Variants in CSRP3 observed in about 807,000 individuals in gnomAD.
CSRP3 encodes the protein cysteine and glycine-rich protein 3.
In CSRP3, 24 loss-of-function variants were observed where a neutral mutation model predicts 24.3. That is an observed-to-expected ratio of 0.99 (90% confidence interval 0.71 to 1.39). The LOEUF (loss-of-function observed/expected upper bound fraction) is 1.39, where lower values mean the gene tolerates loss of function less well. Ranked by LOEUF, CSRP3 falls within the 40% of genes most tolerant of loss-of-function variation. The pLI is 0.00. For missense variants in CSRP3, 240 were observed against 249.0 expected (o/e 0.96, Z 0.24); for synonymous variants, 105 against 94.0 (o/e 1.12, Z -0.68).
intron 1 of CSRP3, chr11:19,196,679 G>A (rs1050798647): frequency 6.6e-6 from 1 of 152,160 alleles, no homozygotes; most frequent in East Asian, 1.9e-4. Flanking sequence ...TTGAAGGTGG[G>A]ATACAATTAT....
At position 19,182,946 on chromosome 11, in the gene CSRP3, C is replaced by T. The variant is rs1414839050; in HGVS notation, c.509-200G>A. ...CTGAGGCAGGCAGATCACCTGAGGT[C>T]GGGAGTTTGAGACCAGCCTGGCCAA... is the stretch of plus-strand genomic sequence containing the variant. On this transcript the variant is annotated intron_variant, in intron 5 of 5. Coordinates refer to ENST00000265968, the MANE Select transcript of CSRP3 (RefSeq NM_003476.5). Among the ~76,000 whole-genome samples the T allele has an allele frequency of 3.9e-5, 6 of 152,042 alleles. No homozygotes were observed. The East Asian group carries it at 5.8e-4, about 15-fold the overall frequency.
At chr11:19,187,982 G>T (rs1004541927) in intron 3 of CSRP3, among the ~76,000 whole-genome samples, 154 bp downstream of exon 3, 1 of 152,184 alleles carries the variant, frequency 6.6e-6, no homozygotes, top group Non-Finnish European at 1.5e-5. Context: ...ATGACACATT[G>T]TTCAAACTTG....
At chr11:19,183,645 G>A (rs544025299) in intron 5 of CSRP3, among the ~76,000 whole-genome samples, 8 of 151,832 alleles carry the variant, frequency 5.3e-5, no homozygotes, top group South Asian at 2.1e-4. Flanking sequence ...TACTGACTTC[G>A]GCAATATTTT....
chr11:19,197,265 T>C (rs1247470530), intron 1 of CSRP3, among the ~76,000 whole-genome samples: 2 of 152,154 alleles, frequency 1.3e-5, no homozygotes, highest in African/African-American at 2.4e-5. Context: ...TAAGTTGTTA[T>C]TCATCAATCT....
intron 4 of CSRP3, 110 bp from the exon 5 acceptor site, chr11:19,185,155 G>A: frequency 1.2e-6 from 1 of 813,000 alleles, no homozygotes; most frequent in Non-Finnish European, 2.1e-6. Context: ...TTAACCATTT[G>A]CTTACCTAAT....
Position 19,186,462 on chromosome 11 carries a change from G to T in CSRP3, c.282-114C>A, listed in dbSNP as rs562040092. The T allele has an allele frequency of 2.5e-4, 323 of 1,278,732 alleles. 2 individuals are homozygous for T. The South Asian group carries it at 3.7e-3, about 15-fold the overall frequency. 79.2% of individuals were successfully genotyped at this position (1,278,732 alleles called of 1,614,324 possible). A position where few individuals can be genotyped will look rare whatever the true frequency, so the allele number is the denominator to read the frequency against. The stretch of plus-strand genomic sequence containing the variant: ...CCGTGTGTCTCAGACTCCTCATCTG[G>T]AAAATGGGGATAATGATGGTGTCTT... On this transcript the variant is annotated intron_variant, in intron 3 of 5. Transcript: ENST00000265968.
intron 5 of CSRP3, among the ~76,000 whole-genome samples, chr11:19,184,706 C>T (rs377500387): frequency 2.8e-4 from 43 of 152,190 alleles, no homozygotes; most frequent in African/African-American, 8.9e-4. Flanking sequence ...CCTAACTTCC[C>T]GAACCACTGA....
At chr11:19,199,472 G>A (rs1850800075) in intron 1 of CSRP3, among the ~76,000 whole-genome samples, 2 of 152,090 alleles carry the variant, frequency 1.3e-5, no homozygotes, top group Admixed American at 6.6e-5. Context: ...CTGAAGCGTG[G>A]CCAGCTTTTA....
chr11:19,200,738 G>A (rs538555334), intron 1 of CSRP3, among the ~76,000 whole-genome samples: 1 of 152,304 alleles, frequency 6.6e-6, no homozygotes, highest in African/African-American at 2.4e-5. Context: ...CACATTTTCT[G>A]GATCATAAAG....
At chr11:19,188,050 C>T in intron 3 of CSRP3, 86 bp downstream of exon 3, 1 of 1,531,992 alleles carries the variant, frequency 6.5e-7, no homozygotes, top group Non-Finnish European at 9.0e-7. Context: ...TCTCCCACTT[C>T]CAGAAAACGT....
At position 19,182,704 on chromosome 11, in the gene CSRP3, C is replaced by T. The variant is rs943580857; in HGVS notation, c.551G>A (p.Gly184Glu). 1 of 1,614,152 alleles carries T rather than the reference C, an allele frequency of 6.2e-7. No homozygotes were observed. Among genetic ancestry groups the T allele is most frequent in the Non-Finnish European group, 8.5e-7 (1 of 1,180,028 alleles). Reference protein sequence around the residue: ...KNFGPTGIGFGGLTQQVEKKE With the variant: ...KNFGPTGIGFEGLTQQVEKKE ...CTTTTCCACTTGTTGTGTAAGGCCT[C>T]CAAACCCAATACCCGTGGGGCCAAA... is the stretch of plus-strand genomic sequence containing the variant. The change falls in exon 6 of 6, where the codon GGA becomes GAA. Residue 184 changes from glycine (G) to glutamate (E), a missense_variant. Physicochemically the swap from Gly to Glu is moderately conservative, Grantham distance 98. Coordinates refer to ENST00000265968, the MANE Select transcript of CSRP3 (RefSeq NM_003476.5).
chr11:19,196,732 A>G (rs1850713418), intron 1 of CSRP3: 1 of 152,124 alleles, frequency 6.6e-6, no homozygotes, highest in Admixed American at 6.6e-5. Context: ...CTGGGTCACA[A>G]TCTCCATCAT....
chr11:19,187,372 G>T (rs1360785254), intron 3 of CSRP3, among the ~76,000 whole-genome samples: 1 of 152,238 alleles, frequency 6.6e-6, no homozygotes, highest in East Asian at 1.9e-4. Flanking sequence ...CCCTCCATGG[G>T]ACACTTCCTT....
chr11:19,185,617 T>C (rs2133507654), intron 4 of CSRP3, among the ~76,000 whole-genome samples: 1 of 152,290 alleles, frequency 6.6e-6, no homozygotes, highest in Middle Eastern at 3.4e-3. Flanking sequence ...CCCTTGTGTT[T>C]GAAGTTAGAT....
chr11:19,194,122 G>T (rs1804356920), intron 1 of CSRP3, among the ~76,000 whole-genome samples: 1 of 152,146 alleles, frequency 6.6e-6, no homozygotes, highest in Non-Finnish European at 1.5e-5. Context: ...TTAACACTAA[G>T]CCCTCCTGGG....
intron 1 of CSRP3, among the ~76,000 whole-genome samples, chr11:19,200,832 C>G (rs1302035375): frequency 2.0e-5 from 3 of 152,196 alleles, no homozygotes; most frequent in African/African-American, 7.2e-5. Flanking sequence ...CAGGCCATCC[C>G]CAATTTCCCA....
intron 3 of CSRP3, among the ~76,000 whole-genome samples, chr11:19,187,781 C>T (rs1170257599): frequency 1.3e-5 from 2 of 152,166 alleles, no homozygotes; most frequent in East Asian, 1.9e-4. Context: ...CATTGCTGCC[C>T]TGCCATATTT....
At chr11:19,197,916 A>G (rs1487464559) in intron 1 of CSRP3, among the ~76,000 whole-genome samples, 1 of 152,094 alleles carries the variant, frequency 6.6e-6, no homozygotes, top group Non-Finnish European at 1.5e-5. Flanking sequence ...GCCCTTGGGT[A>G]TCGTTTAATC....
At chr11:19,188,613 AGTGTGTGTGTGT>A (rs138192808) in intron 2 of CSRP3, among the ~76,000 whole-genome samples, 8 of 140,874 alleles carry the variant, frequency 5.7e-5, no homozygotes, top group African/African-American at 1.0e-4. Context: ...ACATCAGGGA[AGTGTGTGTGTGT>A]GTGTGTGTGT....
Sources: gnomAD v4.1 joint callset for allele counts (sites outside exome capture counted in the v4.1 genomes callset) on GRCh38, gnomAD v4.1.1 for gene constraint, MANE v1.5 for transcripts, NCBI Gene and HGNC (gene_info 2026-07-23, HGNC 2026-07-21) for gene names.